SHISA9: variants seen among roughly 807,000 people sequenced by gnomAD.
SHISA9 encodes protein shisa-9.
Under a neutral mutation model 38.0 loss-of-function variants are expected in SHISA9, and 13 were observed. The observed-to-expected ratio is 0.34, with a 90% CI of 0.22 to 0.54. The LOEUF (loss-of-function observed/expected upper bound fraction) is 0.54. SHISA9 is among the 20% of genes least tolerant of loss of function. The pLI is 0.91. For synonymous variants in SHISA9, 275 were observed against 242.0 expected, an observed-to-expected ratio of 1.14 and a Z score of -1.27; for missense variants, 538 against 575.8, an observed-to-expected ratio of 0.93 and a Z score of 0.67.
chr16:13,492,851 AAG>A, the SHISA9 span, among the ~76,000 whole-genome samples: 20 of 152,330 alleles, frequency 1.3e-4, no homozygotes, highest in African/African-American at 4.6e-4. Context: ...AATATGAAGA[AAG>A]AGCATTGCAG....
intron 2 of SHISA9, among the ~76,000 whole-genome samples, chr16:13,146,875 CT>C (rs1208509023): frequency 8.5e-5 from 13 of 152,266 alleles, no homozygotes; most frequent in African/African-American, 3.1e-4. Flanking sequence ...GACGAGGTTT[CT>C]GGAGAAAAGT....
At chr16:13,225,820 G>C (rs761531084) in intron 4 of SHISA9, among the ~76,000 whole-genome samples, 1 of 152,176 alleles carries the variant, frequency 6.6e-6, no homozygotes, top group Non-Finnish European at 1.5e-5. Context: ...AATTAAGAGA[G>C]AGACAGATGG....
At chr16:13,531,289 C>T in the SHISA9 span, among the ~76,000 whole-genome samples, 8 of 152,150 alleles carry the variant, frequency 5.3e-5, no homozygotes, top group Non-Finnish European at 4.4e-5. Flanking sequence ...AAATGATTAG[C>T]TCTTAACACA....
intron 2 of SHISA9, among the ~76,000 whole-genome samples, chr16:13,123,968 C>T (rs1012591325): frequency 6.6e-6 from 1 of 152,214 alleles, no homozygotes; most frequent in Non-Finnish European, 1.5e-5. Flanking sequence ...ACAACTGGCA[C>T]TCAATGTATG....
intron 2 of SHISA9, among the ~76,000 whole-genome samples, chr16:13,151,724 A>G (rs568029043): frequency 1.3e-5 from 2 of 152,352 alleles, no homozygotes; most frequent in African/African-American, 4.8e-5. Context: ...TCAGAAAAAC[A>G]GATTTCCCTG....
the SHISA9 span, among the ~76,000 whole-genome samples, chr16:13,413,741 G>A: frequency 1.6e-3 from 166 of 105,256 alleles, no homozygotes; most frequent in Non-Finnish European, 2.1e-3. Flanking sequence ...CTGGGTGACA[G>A]AGGAAGACTT....
At chr16:13,357,005 G>C in the SHISA9 span, among the ~76,000 whole-genome samples, 1 of 152,142 alleles carries the variant, frequency 6.6e-6, no homozygotes, top group East Asian at 1.9e-4. Context: ...CACAGGCTAA[G>C]GGAGAAGAAG....
chr16:13,185,598 C>T (rs2050813916), intron 2 of SHISA9, among the ~76,000 whole-genome samples: 1 of 152,228 alleles, frequency 6.6e-6, no homozygotes, highest in South Asian at 2.1e-4. Context: ...TGCCTCTAAT[C>T]TCTCTTTGTA....
At chr16:13,157,702 C>A (rs2050559427) in intron 2 of SHISA9, among the ~76,000 whole-genome samples, 1 of 152,122 alleles carries the variant, frequency 6.6e-6, no homozygotes, top group Non-Finnish European at 1.5e-5. Context: ...CAGCATTACC[C>A]CTGAATGACT....
intron 2 of SHISA9, among the ~76,000 whole-genome samples, chr16:12,918,914 A>C (rs9930084): frequency 0.26 from 39,142 of 152,128 alleles, 5,443 homozygotes; most frequent in Non-Finnish European, 0.31. Flanking sequence ...AAATAAGAAG[A>C]ATGTGACCTT....
chr16:13,175,659 T>C (rs2050725587), intron 2 of SHISA9, among the ~76,000 whole-genome samples: 1 of 152,212 alleles, frequency 6.6e-6, no homozygotes, highest in African/African-American at 2.4e-5. Flanking sequence ...CTTGGAATAT[T>C]AGCTCCAGTA....
intron 2 of SHISA9, among the ~76,000 whole-genome samples, chr16:13,010,723 G>A (rs1420080759): frequency 6.6e-5 from 10 of 152,142 alleles, no homozygotes; most frequent in East Asian, 3.9e-4. Context: ...AGGCCAAGGC[G>A]GGCGGATCAC....
intron 2 of SHISA9, among the ~76,000 whole-genome samples, chr16:13,069,107 T>C (rs1596624995): frequency 1.3e-5 from 2 of 152,006 alleles, no homozygotes; most frequent in East Asian, 1.9e-4. Flanking sequence ...TGTGTATACA[T>C]GTGTACATGC....
intron 2 of SHISA9, among the ~76,000 whole-genome samples, chr16:13,012,078 G>A (rs1204840538): frequency 1.3e-5 from 2 of 152,026 alleles, no homozygotes; most frequent in Admixed American, 6.6e-5. Context: ...CACCCACCTC[G>A]GCCTCCTAAA....
At chr16:13,402,677 A>G in the SHISA9 span, among the ~76,000 whole-genome samples, 13 of 151,996 alleles carry the variant, frequency 8.6e-5, no homozygotes, top group African/African-American at 2.9e-4. Context: ...ACGCCCGGCT[A>G]TTTTTTGTAT....
chr16:13,317,012 C>A, the SHISA9 span, among the ~76,000 whole-genome samples: 1 of 152,252 alleles, frequency 6.6e-6, no homozygotes, highest in African/African-American at 2.4e-5. Flanking sequence ...AGCTGAACTT[C>A]AGGCTTCACA....
At chr16:13,241,285 C>T (rs553465919), downstream of SHISA9, among the ~76,000 whole-genome samples, 45 of 152,234 alleles carry the variant, frequency 3.0e-4, no homozygotes, top group African/African-American at 9.9e-4. Flanking sequence ...GAGGCCAAGG[C>T]GGGCAGATCA....
intron 1 of SHISA9, chr16:12,908,818 C>T (rs1169687435): frequency 8.3e-6 from 11 of 1,326,978 alleles, no homozygotes; most frequent in Admixed American, 3.3e-5. Context: ...GACAGAAGCA[C>T]ATATGTGAAG....
At chr16:13,260,348 C>A in the SHISA9 span, among the ~76,000 whole-genome samples, 1 of 152,030 alleles carries the variant, frequency 6.6e-6, no homozygotes, top group African/African-American at 2.4e-5. Flanking sequence ...AGTCAGGCTG[C>A]AAATTTTCCA....
Sources: allele counts gnomAD v4.1 joint callset (sites outside exome capture counted in the v4.1 genomes callset), GRCh38; gene constraint gnomAD v4.1.1; transcripts MANE v1.5; gene names NCBI Gene and HGNC (gene_info 2026-07-23, HGNC 2026-07-21).